CCDC7: variants seen among roughly 807,000 people sequenced by gnomAD.
CCDC7 encodes the protein coiled-coil domain containing 7.
In CCDC7, 183 loss-of-function variants were observed where a neutral mutation model predicts 196.9. The observed-to-expected ratio is 0.93, with a 90% CI of 0.82 to 1.05. The LOEUF (loss-of-function observed/expected upper bound fraction) is 1.05, where lower values mean the gene tolerates loss of function less well. CCDC7 is among the 50% of genes least tolerant of loss of function. The probability of loss-of-function intolerance (pLI) is 0.00; values close to 1 mark genes in which losing one functional copy is unlikely to be tolerated. For synonymous variants in CCDC7, 525 were observed against 484.6 expected (o/e 1.08, Z -1.10); for missense variants, 1,540 against 1,482.2 (o/e 1.04, Z -0.64).
chr10:32,579,502 A>G (rs2058542912), intron 16 of CCDC7, among the ~76,000 whole-genome samples: 1 of 152,160 alleles, frequency 6.6e-6, no homozygotes, highest in South Asian at 2.1e-4. Flanking sequence ...GAAACAGCAA[A>G]CAGTATTAAT....
chr10:32,472,024 A>G (rs1011941188), intron 6 of CCDC7, among the ~76,000 whole-genome samples: 1 of 152,142 alleles, frequency 6.6e-6, no homozygotes, highest in Admixed American at 6.5e-5. Context: ...CCCCAATTTT[A>G]ATGAGAATAA....
intron 29 of CCDC7, among the ~76,000 whole-genome samples, chr10:32,793,832 A>G (rs182099115): frequency 2.4e-4 from 37 of 152,340 alleles, no homozygotes; most frequent in African/African-American, 8.4e-4. Context: ...TGGTATAACT[A>G]TGATCTATTC....
chr10:32,812,375 T>G (rs2087353540), intron 30 of CCDC7, among the ~76,000 whole-genome samples: 1 of 152,026 alleles, frequency 6.6e-6, no homozygotes, highest in Non-Finnish European at 1.5e-5. Flanking sequence ...AAGCATAAAA[T>G]TATATAAAGA....
At chr10:32,473,361 G>A (rs1405096372) in intron 7 of CCDC7, among the ~76,000 whole-genome samples, 1 of 152,164 alleles carries the variant, frequency 6.6e-6, no homozygotes, top group African/African-American at 2.4e-5. Context: ...AATTACAACT[G>A]GATTGGTATT....
At chr10:32,472,520 A>C (rs1330592730) in exon 7 of CCDC7, 2 of 1,588,990 alleles carry the variant, frequency 1.3e-6, no homozygotes, top group East Asian at 2.3e-5. Context: ...AAAGTTGTGA[A>C]GCTCTGGCAC....
chr10:32,628,607 T>C (rs1159643448), intron 18 of CCDC7, among the ~76,000 whole-genome samples: 4 of 152,070 alleles, frequency 2.6e-5, no homozygotes, highest in African/African-American at 9.6e-5. Context: ...TTTGAGATCT[T>C]TCATCTTTTT....
chr10:32,535,370 G>A (rs2050303508), intron 11 of CCDC7, among the ~76,000 whole-genome samples: 1 of 152,070 alleles, frequency 6.6e-6, no homozygotes, highest in Non-Finnish European at 1.5e-5. Flanking sequence ...AGCCAAATAT[G>A]AGTGACCAAG....
At chr10:32,474,278 C>G (rs940292134) in intron 8 of CCDC7, among the ~76,000 whole-genome samples, 3 of 122,010 alleles carry the variant, frequency 2.5e-5, no homozygotes, top group Non-Finnish European at 3.2e-5. Flanking sequence ...GGCTGGAGTG[C>G]AGTGGCATGA....
chr10:32,697,465 C>G (rs1400227595), intron 24 of CCDC7, among the ~76,000 whole-genome samples: 1 of 152,186 alleles, frequency 6.6e-6, no homozygotes, highest in East Asian at 1.9e-4. Context: ...CAGGACACTC[C>G]CGCCTTAATA....
chr10:32,760,650 A>G (rs907454465), intron 28 of CCDC7, among the ~76,000 whole-genome samples: 7 of 152,166 alleles, frequency 4.6e-5, no homozygotes, highest in Admixed American at 1.3e-4. Context: ...ATGCTAAATG[A>G]TGAATTAATG....
intron 28 of CCDC7, among the ~76,000 whole-genome samples, chr10:32,756,038 G>A (rs996197305): frequency 7.2e-5 from 11 of 152,248 alleles, no homozygotes; most frequent in East Asian, 1.9e-4. Flanking sequence ...GAAATGAAGC[G>A]AGAAGAGAAA....
intron 28 of CCDC7, among the ~76,000 whole-genome samples, chr10:32,736,021 G>T (rs1280176504): frequency 6.6e-6 from 1 of 151,932 alleles, no homozygotes; most frequent in Non-Finnish European, 1.5e-5. Flanking sequence ...TGCTCTATTT[G>T]TCTATTGTTT....
At chr10:32,583,252 A>C in exon 17 of CCDC7, 1 of 1,231,512 alleles carries the variant, frequency 8.1e-7, no homozygotes, top group Non-Finnish European at 1.0e-6. Context: ...GCTCAAAAAA[A>C]CGAAACAGTG....
chr10:32,610,406 A>G (rs1374817183), intron 18 of CCDC7, among the ~76,000 whole-genome samples: 1 of 151,992 alleles, frequency 6.6e-6, no homozygotes, highest in African/African-American at 2.4e-5. Flanking sequence ...ACCCGGCCCC[A>G]GATTTCTTTA....
chr10:32,817,528 A>C (rs948911140), intron 31 of CCDC7, among the ~76,000 whole-genome samples: 4 of 152,304 alleles, frequency 2.6e-5, no homozygotes, highest in African/African-American at 7.2e-5. Flanking sequence ...TCCAAGACAC[A>C]TAATTGTCAG....
chr10:32,820,912 A>G (rs564537713), intron 31 of CCDC7, among the ~76,000 whole-genome samples: 1,841 of 152,260 alleles, frequency 0.012, 122 homozygotes, highest in Admixed American at 0.11. Context: ...ATGGGTAAGG[A>G]CTTCATGTCT....
intron 18 of CCDC7, among the ~76,000 whole-genome samples, chr10:32,619,090 C>T (rs1228497419): frequency 6.6e-6 from 1 of 151,580 alleles, no homozygotes; most frequent in Non-Finnish European, 1.5e-5. Context: ...AGAATTTCTG[C>T]TTGGTTTTAT....
At chr10:32,463,668 A>G (rs189011597) in intron 5 of CCDC7, among the ~76,000 whole-genome samples, 6 of 152,336 alleles carry the variant, frequency 3.9e-5, no homozygotes, top group Admixed American at 3.9e-4. Flanking sequence ...GTTCAGTCCA[A>G]TTAAACACTC....
At chr10:32,831,613 AT>A (rs1180295842) in intron 32 of CCDC7, among the ~76,000 whole-genome samples, 1 of 152,146 alleles carries the variant, frequency 6.6e-6, no homozygotes, top group African/African-American at 2.4e-5. Flanking sequence ...CCTTTAAAAC[AT>A]TTTTGTTAAA....
Sources: allele counts gnomAD v4.1 joint callset (sites outside exome capture counted in the v4.1 genomes callset), GRCh38; gene constraint gnomAD v4.1.1; transcripts MANE v1.5; gene names NCBI Gene and HGNC (gene_info 2026-07-23, HGNC 2026-07-21).